The following RABEP1 variants were observed in gnomAD, a reference collection of about 807,000 sequenced individuals.
RABEP1 encodes the protein rabaptin, RAB GTPase binding effector protein 1.
A neutral mutation model predicts 123.4 loss-of-function variants in RABEP1; 51 were observed. That is an observed-to-expected ratio of 0.41 (90% CI 0.33 to 0.52). The LOEUF is 0.52. RABEP1 is among the 20% of genes least tolerant of loss of function. The pLI, the probability that RABEP1 is intolerant of heterozygous loss-of-function variation, is 0.16. For synonymous variants in RABEP1, 347 were observed against 355.2 expected (o/e 0.98, Z 0.26); for missense variants, 888 against 996.3 (o/e 0.89, Z 1.46).
At chr17:5,382,177 A>T (rs1023973130) in intron 17 of RABEP1, among the ~76,000 whole-genome samples, 28 of 149,168 alleles carry the variant, frequency 1.9e-4, no homozygotes, top group African/African-American at 5.7e-4. Context: ...TGCCTCCTGG[A>T]TTCCAGCGAT....
At chr17:5,359,722 A>T (rs1172438977) in intron 8 of RABEP1, among the ~76,000 whole-genome samples, 1 of 152,262 alleles carries the variant, frequency 6.6e-6, no homozygotes. Context: ...GCCAGTAACA[A>T]CAACTGTATT....
At chr17:5,298,715 G>A (rs113803680) in intron 1 of RABEP1, among the ~76,000 whole-genome samples, 7 of 147,972 alleles carry the variant, frequency 4.7e-5, no homozygotes, top group Non-Finnish European at 7.4e-5. Context: ...GAGTGCAGTA[G>A]CGAGATCTCA....
intron 12 of RABEP1, 145 bp downstream of exon 12, chr17:5,368,613 T>C: frequency 1.7e-6 from 1 of 575,220 alleles, no homozygotes; most frequent in Non-Finnish European, 3.0e-6. Flanking sequence ...ACATTAATAA[T>C]GGACAAAATA....
At chr17:5,368,606 T>C (rs1018962856) in intron 12 of RABEP1, 138 bp downstream of exon 12, 12 of 590,980 alleles carry the variant, frequency 2.0e-5, no homozygotes, top group South Asian at 1.2e-4. Flanking sequence ...CTGTAGAACA[T>C]TAATAATGGA....
At chr17:5,329,437 A>C (rs1467048541) in intron 2 of RABEP1, among the ~76,000 whole-genome samples, 1 of 152,244 alleles carries the variant, frequency 6.6e-6, no homozygotes, top group Non-Finnish European at 1.5e-5. Flanking sequence ...AGGCTGAAGC[A>C]GGACAATCTG....
chr17:5,378,143 T>C (rs1262466671), intron 14 of RABEP1, 34 bp from the exon 15 acceptor site: 1 of 1,487,014 alleles, frequency 6.7e-7, no homozygotes, highest in African/African-American at 1.4e-5. Flanking sequence ...CAATAATAGA[T>C]GAATGCTAAT....
intron 16 of RABEP1, among the ~76,000 whole-genome samples, chr17:5,381,185 T>C (rs3026109): frequency 0.44 from 66,329 of 151,910 alleles, 15,256 homozygotes; most frequent in East Asian, 0.84. Context: ...TGGCTTTTCA[T>C]ACCCAGTTCA....
chr17:5,352,597 G>A (rs979024212), intron 7 of RABEP1, among the ~76,000 whole-genome samples: 20 of 151,828 alleles, frequency 1.3e-4, no homozygotes, highest in Admixed American at 3.9e-4. Context: ...TTGGGAGGCC[G>A]AGGTGGGTGG....
In RABEP1 at chr17:5,295,109, C is replaced by T. The variant is rs538981903; in HGVS notation, c.34+12589C>T. ...ATAATGTTATTTTTGAGGACAGATG[C>T]GGTGGCTTACACCTGTAATCCCAGC... On this transcript the variant is annotated intron_variant, in intron 1 of 17. Transcript: ENST00000537505. Among the ~76,000 whole-genome samples the T allele has an allele frequency of 7.9e-5, 12 of 151,926 alleles. No homozygotes were observed. In the East Asian group the frequency reaches 9.7e-4, roughly 12 times the overall value.
intron 7 of RABEP1, among the ~76,000 whole-genome samples, chr17:5,351,481 A>G (rs932762401): frequency 6.6e-6 from 1 of 152,114 alleles, no homozygotes; most frequent in African/African-American, 2.4e-5. Context: ...TTCCTCTTAC[A>G]CAACTATAGT....
In RABEP1 at chr17:5,287,911, C is replaced by CA. The variant is rs200407464; in HGVS notation, c.34+5401dup. Among the ~76,000 whole-genome samples, 825 of 148,628 alleles carry CA rather than the reference C, an allele frequency of 5.6e-3. 11 individuals carry two copies. The highest frequency in any genetic ancestry group is 0.019 in the African/African-American group (758 of 40,448). On this transcript the variant is annotated intron_variant, in intron 1 of 17. Transcript: ENST00000537505. ...TAGGTGACAGAGTAAGACCCTGTCT[C>CA]AAAAAAAAAATCACTCTGACTGCTG...
At chr17:5,297,374 A>G (rs897092298) in intron 1 of RABEP1, among the ~76,000 whole-genome samples, 9 of 152,352 alleles carry the variant, frequency 5.9e-5, no homozygotes, top group African/African-American at 2.2e-4. Flanking sequence ...GTATAAATGA[A>G]CAGTGTGACT....
chr17:5,315,112 T>TA (rs1170964821), intron 2 of RABEP1, among the ~76,000 whole-genome samples: 2 of 152,218 alleles, frequency 1.3e-5, no homozygotes, highest in Non-Finnish European at 2.9e-5. Context: ...ATAAAGCTGT[T>TA]ACGCTAACTA....
Position 5,366,112 on chromosome 17 carries a change from A to G in RABEP1, c.1785+874A>G, listed in dbSNP as rs1209288880. The stretch of plus-strand genomic sequence containing the variant: ...CAGTTTATACCTCCACCAGCAATGT[A>G]TGAGAGTTCCTGTGGTTCCAAGGTG... On this transcript the variant is annotated intron_variant, in intron 11 of 17. Transcript: ENST00000537505. Among the ~76,000 whole-genome samples the G allele has an allele frequency of 3.9e-5, 6 of 152,328 alleles. No homozygotes were observed. The East Asian group carries it at 1.2e-3, about 29-fold the overall frequency.
intron 7 of RABEP1, among the ~76,000 whole-genome samples, chr17:5,352,604 G>A (rs1462733985): frequency 6.6e-6 from 1 of 151,756 alleles, no homozygotes; most frequent in Non-Finnish European, 1.5e-5. Context: ...GCCGAGGTGG[G>A]TGGATCACCT....
chr17:5,309,009 C>T (rs1250657489), intron 2 of RABEP1, among the ~76,000 whole-genome samples, 187 bp downstream of exon 2: 1 of 152,124 alleles, frequency 6.6e-6, no homozygotes, highest in Non-Finnish European at 1.5e-5. Context: ...ATGCCTTCTT[C>T]AGATTTTGCC....
At chr17:5,334,181 G>A (rs1051776630) in intron 3 of RABEP1, among the ~76,000 whole-genome samples, 1 of 151,104 alleles carries the variant, frequency 6.6e-6, no homozygotes, top group South Asian at 2.1e-4. Flanking sequence ...CCACAGACAT[G>A]GCGACATCAC....
At chr17:5,288,330 T>C (rs2074999116) in intron 1 of RABEP1, among the ~76,000 whole-genome samples, 2 of 152,050 alleles carry the variant, frequency 1.3e-5, no homozygotes, top group Non-Finnish European at 2.9e-5. Context: ...TCTTTTTCCT[T>C]AGAGGTGTAC....
In RABEP1 at chr17:5,374,420, C is replaced by T. The variant is rs1377232680; in HGVS notation, c.2025+966C>T. 2.0e-5 allele frequency among the ~76,000 whole-genome samples: 3 copies of T among 151,748 alleles called. No individual in the cohort carries two copies. The East Asian group carries it at 5.8e-4, about 29-fold the overall frequency. On this transcript the variant is annotated intron_variant, in intron 13 of 17. Coordinates refer to ENST00000537505, the MANE Select transcript of RABEP1 (RefSeq NM_004703.6). ...GAGACATTCATAATTCTCTCCTTAACTTTATCCAAGCTTAATTTTTAATTT... is the reference window on the plus strand; with the variant it reads ...GAGACATTCATAATTCTCTCCTTAATTTTATCCAAGCTTAATTTTTAATTT...
Sources: allele counts gnomAD v4.1 joint callset (sites outside exome capture counted in the v4.1 genomes callset), GRCh38; gene constraint gnomAD v4.1.1; transcripts MANE v1.5; gene names NCBI Gene and HGNC (gene_info 2026-07-23, HGNC 2026-07-21).